The following SLX4IP variants were observed in gnomAD, a reference collection of about 807,000 sequenced individuals.
SLX4IP encodes the protein protein SLX4IP.
Under a neutral mutation model 32.9 loss-of-function variants are expected in SLX4IP, and 34 were observed. The observed-to-expected ratio is 1.03, with a 90% CI of 0.79 to 1.38. SLX4IP has a LOEUF of 1.38. Among genes scored for constraint, SLX4IP ranks in the 40% most tolerant of loss-of-function variants. The pLI, the probability that SLX4IP is intolerant of heterozygous loss-of-function variation, is 0.00. For missense variants in SLX4IP, 444 were observed against 479.0 expected (o/e 0.93, Z 0.68); for synonymous variants, 172 against 171.7 (o/e 1.00, Z -0.01).
In SLX4IP at chr20:10,556,338, A is replaced by T. The variant is rs370366440; in HGVS notation, c.117+18A>T. 6.8e-6 allele frequency: 11 copies of T among 1,605,874 alleles called. No homozygotes were observed. The African/African-American group carries it at 1.1e-4, about 16-fold the overall frequency. ...AGAAAGAGGTACAACAAAACTTTCT[A>T]CTATTTAATTGCAAGTAGCTGCTGC... On this transcript the variant is annotated intron_variant, in intron 3 of 7. Transcript: ENST00000334534.
chr20:10,461,424 T>G (rs1600895091), intron 2 of SLX4IP, among the ~76,000 whole-genome samples: 1 of 152,222 alleles, frequency 6.6e-6, no homozygotes, highest in South Asian at 2.1e-4. Flanking sequence ...GCTAGCATAA[T>G]AGGGATAGGG....
At chr20:10,523,125 C>T (rs924922233) in intron 2 of SLX4IP, among the ~76,000 whole-genome samples, 1 of 152,102 alleles carries the variant, frequency 6.6e-6, no homozygotes, top group Non-Finnish European at 1.5e-5. Flanking sequence ...GACCTCTTGG[C>T]ATGGGATGGG....
At chr20:10,518,535 TTCCTTCCTTCCTTC>T (rs1568720458) in intron 2 of SLX4IP, among the ~76,000 whole-genome samples, 11,397 of 135,106 alleles carry the variant, frequency 0.084, 1,333 homozygotes, top group Non-Finnish European at 0.13. Context: ...CCTTCCTTCC[TTCCTTCCTTCCTTC>T]CTTTCCTTCT....
At chr20:10,614,050 G>C (rs1568773117) in intron 6 of SLX4IP, 1 of 1,495,026 alleles carries the variant, frequency 6.7e-7, no homozygotes, top group East Asian at 2.3e-5. Context: ...TGGAAGCAGC[G>C]GGTGGCGTCC....
intron 4 of SLX4IP, among the ~76,000 whole-genome samples, chr20:10,570,482 A>G (rs924890193): frequency 2.6e-5 from 4 of 152,010 alleles, no homozygotes; most frequent in African/African-American, 4.8e-5. Flanking sequence ...TACTCTGGGC[A>G]TCGTGTACCA....
At chr20:10,524,382 T>G (rs900912214) in intron 2 of SLX4IP, among the ~76,000 whole-genome samples, 3 of 152,088 alleles carry the variant, frequency 2.0e-5, no homozygotes, top group Non-Finnish European at 4.4e-5. Flanking sequence ...AGGGAGACAC[T>G]CTTGACCACC....
chr20:10,490,668 G>A (rs2065614893), intron 2 of SLX4IP, among the ~76,000 whole-genome samples: 1 of 152,158 alleles, frequency 6.6e-6, no homozygotes, highest in South Asian at 2.1e-4. Flanking sequence ...CAACCCATCT[G>A]TGTTGCTGTT....
rs35576843 is a variant in SLX4IP, at chr20:10,515,079, C to CTTTTTTT, written c.28-41136_28-41130dup. Among the ~76,000 whole-genome samples the CTTTTTTT allele has an allele frequency of 4.8e-4, 40 of 82,918 alleles. 1 individual carries two copies. Among genetic ancestry groups the CTTTTTTT allele is most frequent in the Non-Finnish European group, 6.0e-4 (27 of 45,354 alleles). The allele number at this position is 82,918 out of a possible 152,430, so 54.4% of individuals were successfully genotyped here. A position where few individuals can be genotyped will look rare whatever the true frequency, so the allele number is the denominator to read the frequency against. On this transcript the variant is annotated intron_variant, in intron 2 of 7. Transcript: ENST00000334534. ...ATTCACATTTATTTGTAAGTTGAAG[C>CTTTTTTT]TTTTTTTTTTTTTTTTTTTTTTGAG...
At chr20:10,559,740 A>C (rs192038412) in intron 3 of SLX4IP, among the ~76,000 whole-genome samples, 112 of 152,326 alleles carry the variant, frequency 7.4e-4, no homozygotes, top group Admixed American at 3.3e-3. Context: ...ACCTATCCTG[A>C]AACTTACTAG....
intron 4 of SLX4IP, among the ~76,000 whole-genome samples, chr20:10,564,917 G>C (rs1191559360): frequency 6.6e-6 from 1 of 152,144 alleles, no homozygotes; most frequent in South Asian, 2.1e-4. Context: ...CAGACTGACA[G>C]TCCAAAAATC....
At chr20:10,512,090 T>C (rs2065812428) in intron 2 of SLX4IP, among the ~76,000 whole-genome samples, 1 of 152,188 alleles carries the variant, frequency 6.6e-6, no homozygotes, top group Non-Finnish European at 1.5e-5. Flanking sequence ...CTTTAGACTT[T>C]GTGAGTGATA....
intron 4 of SLX4IP, among the ~76,000 whole-genome samples, chr20:10,580,879 A>G (rs140737413): frequency 7.0e-4 from 107 of 152,196 alleles, no homozygotes; most frequent in Middle Eastern, 3.4e-3. Context: ...AGACATATAT[A>G]CTCCAGTTTG....
At chr20:10,494,738 T>C (rs2065652491) in intron 2 of SLX4IP, among the ~76,000 whole-genome samples, 1 of 152,132 alleles carries the variant, frequency 6.6e-6, no homozygotes. Context: ...CCCCTGGCCC[T>C]ACTCCCACTT....
chr20:10,512,704 A>T (rs539449180), intron 2 of SLX4IP, among the ~76,000 whole-genome samples: 1 of 127,138 alleles, frequency 7.9e-6, no homozygotes, highest in African/African-American at 2.9e-5. Context: ...TAGTATATAT[A>T]GTGTATATAT....
At chr20:10,525,797 G>A (rs1209408964) in intron 2 of SLX4IP, among the ~76,000 whole-genome samples, 1 of 152,144 alleles carries the variant, frequency 6.6e-6, no homozygotes, top group Non-Finnish European at 1.5e-5. Flanking sequence ...GCGCACAGAC[G>A]TCATTTTCTG....
intron 1 of SLX4IP, among the ~76,000 whole-genome samples, chr20:10,439,984 G>A (rs1048540992): frequency 1.3e-5 from 2 of 152,050 alleles, no homozygotes; most frequent in Non-Finnish European, 2.9e-5. Context: ...TAGTATTGAC[G>A]TTTTGTGCTT....
rs374971082 is a variant in SLX4IP at position 10,598,769 on chromosome 20, T to G, written c.316+17T>G. 1 of 1,613,152 alleles carries G rather than the reference T, an allele frequency of 6.2e-7. No individual in the cohort carries two copies. The highest frequency in any genetic ancestry group is 1.3e-5 in the African/African-American group (1 of 75,024). On this transcript the variant is annotated intron_variant, in intron 5 of 7. Coordinates refer to ENST00000334534, the MANE Select transcript of SLX4IP (RefSeq NM_001009608.3). ...AGAATGCTGGTAAGAAGCCGATTTCTTGGTTTGTCAGACATTTCACACAAT... is the reference window on the plus strand; with the variant it reads ...AGAATGCTGGTAAGAAGCCGATTTCGTGGTTTGTCAGACATTTCACACAAT...
Position 10,598,736 on chromosome 20 carries a change from G to A in SLX4IP, c.300G>A (p.Arg100=), listed in dbSNP as rs1161587956. The A allele has an allele frequency of 6.2e-7, 1 of 1,613,966 alleles. No homozygotes were observed. Among genetic ancestry groups the A allele is most frequent in the African/African-American group, 1.3e-5 (1 of 74,914 alleles). ...GAGGGATACGCCTTCGCTGCATCAG[G>A]AGCACACAGAATGCTGGTAAGAAGC... The part of the protein sequence containing the change: ...LKRGIRLRCI[R]STQNAELCVF... Residue 100 remains arginine, a synonymous_variant, in exon 5 of 8, where the codon AGG becomes AGA. Coordinates refer to ENST00000334534, the MANE Select transcript of SLX4IP (RefSeq NM_001009608.3).
At chr20:10,493,564 T>C (rs1318834497) in intron 2 of SLX4IP, among the ~76,000 whole-genome samples, 2 of 152,160 alleles carry the variant, frequency 1.3e-5, no homozygotes, top group Admixed American at 6.5e-5. Context: ...TTCTTTTTTT[T>C]CAGCCCTTTT....
Sources: allele counts gnomAD v4.1 joint callset (sites outside exome capture counted in the v4.1 genomes callset), GRCh38; gene constraint gnomAD v4.1.1; transcripts MANE v1.5; gene names NCBI Gene and HGNC (gene_info 2026-07-23, HGNC 2026-07-21).